PTPRK: variants seen among roughly 807,000 people sequenced by gnomAD.
The protein encoded by PTPRK is receptor-type tyrosine-protein phosphatase kappa.
A neutral mutation model predicts 178.0 loss-of-function variants in PTPRK; 75 were observed. That is an observed-to-expected ratio of 0.42 (90% CI 0.35 to 0.51). The LOEUF is 0.51. Ranked by LOEUF, PTPRK falls within the 20% of genes least tolerant of loss-of-function variation. The pLI, the probability that PTPRK is intolerant of heterozygous loss-of-function variation, is 0.02. For synonymous variants in PTPRK, 637 were observed against 620.6 expected, an observed-to-expected ratio of 1.03 and a Z score of -0.39; for missense variants, 1,441 against 1,797.8, an observed-to-expected ratio of 0.80 and a Z score of 3.59.
At chr6:128,330,849 GAAAAACAAAAAC>G (rs5879887) in intron 2 of PTPRK, among the ~76,000 whole-genome samples, 2,687 of 148,344 alleles carry the variant, frequency 0.018, 29 homozygotes, top group Non-Finnish European at 0.021. Flanking sequence ...CTTTTTTTCT[GAAAAACAAAAAC>G]AAAAACAAAA....
At chr6:128,203,280 CA>C (rs1343313639) in intron 6 of PTPRK, among the ~76,000 whole-genome samples, 1 of 152,116 alleles carries the variant, frequency 6.6e-6, no homozygotes, top group Non-Finnish European at 1.5e-5. Context: ...AAAACAGTAA[CA>C]GCCATATATG....
chr6:128,442,966 C>T (rs1460745709), intron 1 of PTPRK, among the ~76,000 whole-genome samples: 4 of 151,920 alleles, frequency 2.6e-5, no homozygotes, highest in East Asian at 3.9e-4. Flanking sequence ...ATTGGTGAAG[C>T]GCAAACATAT....
intron 3 of PTPRK, among the ~76,000 whole-genome samples, chr6:128,271,647 T>C (rs1819840082): frequency 6.6e-6 from 1 of 151,986 alleles, no homozygotes; most frequent in Non-Finnish European, 1.5e-5. Flanking sequence ...AATCAAAGTT[T>C]AAAGCATTCA....
chr6:128,099,129 T>C (rs1788374690), intron 7 of PTPRK, among the ~76,000 whole-genome samples: 1 of 151,340 alleles, frequency 6.6e-6, no homozygotes, highest in Non-Finnish European at 1.5e-5. Flanking sequence ...GAGAATCTGT[T>C]AGTTGGAATT....
At chr6:128,042,936 T>C (rs1209591697) in intron 13 of PTPRK, among the ~76,000 whole-genome samples, 1 of 152,086 alleles carries the variant, frequency 6.6e-6, no homozygotes, top group African/African-American at 2.4e-5. Context: ...TAAATGTCTA[T>C]GAAGGGCATT....
rs181072246 is a variant in PTPRK, at chr6:128,500,581, T to A, written c.100+19678A>T. ...CAGGTCACACAGAAGAGATTGCTCT[T>A]TAAAAATAAATCCCTGAGAGTTTAT... is the stretch of plus-strand genomic sequence containing the variant. On this transcript the variant is annotated intron_variant, in intron 1 of 29. Transcript: ENST00000368226. 2.3e-4 allele frequency: 35 copies of A among 152,324 alleles called. No homozygotes were observed. In the East Asian group the frequency reaches 6.7e-3, roughly 29 times the overall value. 9.4% of individuals were successfully genotyped at this position (152,324 alleles called of 1,614,324 possible).
chr6:128,419,458 A>G (rs1464360862), intron 1 of PTPRK, among the ~76,000 whole-genome samples: 1 of 108 alleles, frequency 9.3e-3, no homozygotes, highest in Admixed American at 0.083. Flanking sequence ...TAAAAATACA[A>G]AAAAAAATTA....
chr6:128,128,466 G>A (rs749023599), intron 7 of PTPRK, among the ~76,000 whole-genome samples: 18 of 152,110 alleles, frequency 1.2e-4, no homozygotes, highest in Non-Finnish European at 2.4e-4. Flanking sequence ...AGGTACAGCC[G>A]TCAATTCTCT....
intron 3 of PTPRK, among the ~76,000 whole-genome samples, chr6:128,286,170 A>T (rs961114875): frequency 5.3e-5 from 8 of 151,748 alleles, no homozygotes; most frequent in African/African-American, 1.9e-4. Context: ...TTCTCCTAAC[A>T]CCAGTATTCA....
intron 8 of PTPRK, among the ~76,000 whole-genome samples, chr6:128,088,025 T>G (rs1345675642): frequency 6.6e-6 from 1 of 152,184 alleles, no homozygotes; most frequent in Non-Finnish European, 1.5e-5. Flanking sequence ...AATTCAGAAC[T>G]TAAGGGAACT....
chr6:128,435,114 AAGGC>A lies in PTPRK; in HGVS notation c.101-37430_101-37427del, dbSNP rs1288705836. Among the ~76,000 whole-genome samples, 53 of 79,712 alleles carry A rather than the reference AAGGC, an allele frequency of 6.6e-4. 1 individual carries two copies. In the South Asian group the frequency reaches 7.3e-3, roughly 11 times the overall value. 52.3% of individuals were successfully genotyped at this position (79,712 alleles called of 152,430 possible). On this transcript the variant is annotated intron_variant, in intron 1 of 29. Coordinates refer to ENST00000368226, the MANE Select transcript of PTPRK (RefSeq NM_002844.4). ...GAAGGAAGGAAGGAAGGAAGGCAGG[AAGGC>A]AGGCAGGAAGGCAGGCAGGCAGGCA...
intron 6 of PTPRK, among the ~76,000 whole-genome samples, chr6:128,195,363 G>A (rs186815364): frequency 1.3e-5 from 2 of 151,954 alleles, no homozygotes; most frequent in South Asian, 2.1e-4. Context: ...TCAATATTAA[G>A]CACATGAAAC....
Position 128,240,480 on chromosome 6 carries a change from A to C in PTPRK, c.578-330T>G, listed in dbSNP as rs1814211481. Among the ~76,000 whole-genome samples the C allele has an allele frequency of 2.0e-5, 3 of 151,190 alleles. No homozygotes were observed. In the Admixed American group the frequency reaches 2.0e-4, roughly 10 times the overall value. On this transcript the variant is annotated intron_variant, in intron 4 of 29. Transcript: ENST00000368226. ...ATAATAAAACAGTTACAAACTTACA[A>C]GTCAAAGCAACCAAAAGAGATTAAA...
intron 1 of PTPRK, among the ~76,000 whole-genome samples, chr6:128,492,995 TC>T: frequency 6.6e-6 from 1 of 152,308 alleles, no homozygotes; most frequent in East Asian, 1.9e-4. Flanking sequence ...GAGTGTGGTG[TC>T]CCATGTGCCA....
At chr6:128,482,610 A>G (rs552927614) in intron 1 of PTPRK, among the ~76,000 whole-genome samples, 2 of 152,188 alleles carry the variant, frequency 1.3e-5, no homozygotes, top group African/African-American at 4.8e-5. Context: ...TCAAAGTAGT[A>G]ACAGCCAAAT....
At chr6:128,194,064 A>ATATATTAT (rs1307363948) in intron 6 of PTPRK, among the ~76,000 whole-genome samples, 13 of 137,568 alleles carry the variant, frequency 9.4e-5, no homozygotes, top group Admixed American at 2.2e-4. Flanking sequence ...ATTTATATAT[A>ATATATTAT]TATTATTATT....
intron 6 of PTPRK, among the ~76,000 whole-genome samples, chr6:128,215,840 T>A (rs1809180138): frequency 6.6e-6 from 1 of 152,084 alleles, no homozygotes; most frequent in Non-Finnish European, 1.5e-5. Flanking sequence ...AAAATTACCA[T>A]CTTTTGTATC....
At chr6:128,006,609 C>A (rs1778450301) in intron 14 of PTPRK, among the ~76,000 whole-genome samples, 1 of 150,916 alleles carries the variant, frequency 6.6e-6, no homozygotes, top group South Asian at 2.1e-4. Context: ...TACACAGATA[C>A]TTCTACAGTA....
intron 3 of PTPRK, among the ~76,000 whole-genome samples, chr6:128,282,040 A>G (rs1821759919): frequency 6.6e-6 from 1 of 152,170 alleles, no homozygotes; most frequent in Non-Finnish European, 1.5e-5. Flanking sequence ...CTGATTCTCT[A>G]GCTTTTCTTT....
Sources: allele counts gnomAD v4.1 joint callset (sites outside exome capture counted in the v4.1 genomes callset), GRCh38; gene constraint gnomAD v4.1.1; transcripts MANE v1.5; gene names NCBI Gene and HGNC (gene_info 2026-07-23, HGNC 2026-07-21).